DOCK11: variants seen among roughly 807,000 people sequenced by gnomAD.
DOCK11 encodes dedicator of cytokinesis 11.
Under a neutral mutation model 169.1 loss-of-function variants are expected in DOCK11, and 70 were observed. The observed-to-expected ratio is 0.41, with a 90% confidence interval of 0.34 to 0.51. The LOEUF is 0.51. DOCK11 is among the 20% of genes least tolerant of loss of function. The pLI is 0.10. For synonymous variants in DOCK11, 529 were observed against 541.3 expected, an observed-to-expected ratio of 0.98 and a Z score of 0.32; for missense variants, 1,166 against 1,538.8, an observed-to-expected ratio of 0.76 and a Z score of 4.05.
At chrX:118,530,924 A>G (rs753187812) in intron 1 of DOCK11, among the ~76,000 whole-genome samples, 1 of 111,904 alleles carries the variant, frequency 8.9e-6, no homozygotes, top group East Asian at 2.8e-4. Context: ...TATGTTTTCT[A>G]TTTCTGTTTA....
intron 7 of DOCK11, among the ~76,000 whole-genome samples, chrX:118,563,393 A>G (rs2012973271): frequency 9.0e-6 from 1 of 111,092 alleles, no homozygotes; most frequent in African/African-American, 3.3e-5. Context: ...GCAGTGAGAT[A>G]TGATCACGCC....
At chrX:118,613,433 T>TA (rs1188977702) in intron 28 of DOCK11, among the ~76,000 whole-genome samples, 7 of 111,957 alleles carry the variant, frequency 6.3e-5, no homozygotes, top group African/African-American at 2.0e-4. Context: ...ATGAAGGATA[T>TA]AAAGGAAAAG....
intron 30 of DOCK11, 87 bp downstream of exon 30, chrX:118,615,798 C>A: frequency 1.4e-6 from 1 of 700,453 alleles, no homozygotes. Context: ...CTAGTTGAAC[C>A]AGTCAACTTG....
chrX:118,645,885 TAAA>T (rs1255554011), intron 40 of DOCK11, among the ~76,000 whole-genome samples: 3 of 74,758 alleles, frequency 4.0e-5, no homozygotes, highest in Non-Finnish European at 2.5e-5. Context: ...TGTCTCTAGT[TAAA>T]AAAAAAAAAA....
chrX:118,568,561 T>G (rs1434369657), intron 10 of DOCK11, among the ~76,000 whole-genome samples: 1 of 107,432 alleles, frequency 9.3e-6, no homozygotes, highest in African/African-American at 3.4e-5. Context: ...ATATCTCCAG[T>G]ATAAAGAACA....
chrX:118,497,106 TTTG>T (rs2057543652), intron 1 of DOCK11, among the ~76,000 whole-genome samples: 1 of 112,767 alleles, frequency 8.9e-6, no homozygotes, highest in Admixed American at 9.3e-5. Flanking sequence ...GTTTTGTTAC[TTTG>T]TTTTTTGGTT....
Position 118,615,707 on chromosome X carries a change from T to C in DOCK11, c.3288T>C (p.Val1096=), listed in dbSNP as rs151308330. 333 of 1,192,052 alleles carry C rather than the reference T, an allele frequency of 2.8e-4. 1 individual carries two copies. In the African/African-American group the frequency reaches 4.8e-3, roughly 17 times the overall value. ...TTGCAAAACCTAAACTGCAGCGGGT[T>C]CAAGGCATGTATTTGCATTTTCCAT... ...MAFAKPKLQR[V]QDSNLEYSLS... The change falls in exon 30 of 53, where the codon GTT becomes GTC. Residue 1096 remains valine (V), a synonymous_variant. Coordinates refer to ENST00000276202, the MANE Select transcript of DOCK11 (RefSeq NM_144658.4).
intron 6 of DOCK11, among the ~76,000 whole-genome samples, chrX:118,554,800 T>C (rs1161325953): frequency 9.0e-6 from 1 of 110,958 alleles, no homozygotes; most frequent in Non-Finnish European, 1.9e-5. Flanking sequence ...GGAGATGAAG[T>C]TGATTTGGTT....
intron 1 of DOCK11, among the ~76,000 whole-genome samples, chrX:118,521,232 A>G (rs1244891600): frequency 3.6e-5 from 4 of 112,361 alleles, no homozygotes; most frequent in African/African-American, 1.3e-4. Flanking sequence ...TGGCTGTGGA[A>G]TATTGGGAAA....
intron 1 of DOCK11, among the ~76,000 whole-genome samples, chrX:118,519,910 A>C (rs1460305278): frequency 8.9e-6 from 1 of 111,935 alleles, no homozygotes; most frequent in Non-Finnish European, 1.9e-5. Flanking sequence ...TTAAAATCAG[A>C]TTATACCTGG....
intron 9 of DOCK11, 77 bp from the exon 10 acceptor site, chrX:118,568,002 A>G (rs926479471): frequency 1.2e-5 from 6 of 492,700 alleles, no homozygotes; most frequent in Non-Finnish European, 1.9e-5. Context: ...ATAGTTTCAC[A>G]TAAACTATAC....
rs202108465 is a variant in DOCK11 at position 118,654,806 on chromosome X, G to C, written c.4900G>C (p.Asp1634His). The change falls in exon 43 of 53, where the codon GAT (aspartate) becomes CAT (histidine). Residue 1634 changes from aspartate (D) to histidine (H), a missense_variant. Transcript: ENST00000276202. ...GGCCAAGATTCATGTAAAAAATGGAGATTTTTCAGAGGTGACTACTTAAAG... is the reference window on the plus strand; with the variant it reads ...GGCCAAGATTCATGTAAAAAATGGACATTTTTCAGAGGTGACTACTTAAAG... ...SMAKIHVKNG[D>H]FSEAAMCYVH... 1.9e-4 allele frequency: 225 copies of C among 1,209,644 alleles called. No individual in the cohort carries two copies. Among genetic ancestry groups the C allele is most frequent in the Non-Finnish European group, 1.7e-5 (15 of 895,046 alleles).
At chrX:118,529,761 C>T (rs1392670368) in intron 1 of DOCK11, among the ~76,000 whole-genome samples, 2 of 111,158 alleles carry the variant, frequency 1.8e-5, no homozygotes, top group Non-Finnish European at 3.8e-5. Context: ...GAAGTGGTCA[C>T]CTGTACTTGG....
intron 1 of DOCK11, among the ~76,000 whole-genome samples, chrX:118,499,087 A>G (rs1245400745): frequency 2.7e-5 from 3 of 112,234 alleles, no homozygotes; most frequent in African/African-American, 9.7e-5. Flanking sequence ...TTGGGGAGAA[A>G]CATTATAACC....
intron 1 of DOCK11, among the ~76,000 whole-genome samples, chrX:118,539,056 G>A (rs1231972962): frequency 9.0e-6 from 1 of 111,369 alleles, no homozygotes; most frequent in Non-Finnish European, 1.9e-5. Flanking sequence ...TGATTCACAG[G>A]CCTAAATCTT....
rs1053460877 is a variant in DOCK11 at position 118,628,260 on chromosome X, C to T, written c.3762C>T (p.Asn1254=). ...CAACAGGATTTCCAGATCAGGGCAA[C>T]ACTGGTGAAAATGTAAGAACTTAAA... is the stretch of plus-strand genomic sequence containing the variant. ...EGATGFPDQG[N]TGENTRQSST... Residue 1254 remains asparagine, a synonymous_variant, in exon 34 of 53, where the codon AAC becomes AAT. Coordinates refer to ENST00000276202, the MANE Select transcript of DOCK11 (RefSeq NM_144658.4). 2 of 1,190,576 alleles carry T rather than the reference C, an allele frequency of 1.7e-6. No individual in the cohort carries two copies. The highest frequency in any genetic ancestry group is 3.5e-5 in the African/African-American group (2 of 57,220).
chrX:118,574,098 C>G, intron 12 of DOCK11, 80 bp downstream of exon 12: 1 of 998,314 alleles, frequency 1.0e-6, no homozygotes, highest in Non-Finnish European at 1.4e-6. Flanking sequence ...TGGTTTCAGG[C>G]CAATGTTTTC....
In DOCK11 at chrX:118,501,839, T is replaced by G. The variant is rs370604649; in HGVS notation, c.102+5766T>G. Among the ~76,000 whole-genome samples, 22 of 112,017 alleles carry G rather than the reference T, an allele frequency of 2.0e-4. No homozygotes were observed. The South Asian group carries it at 8.1e-3, about 41-fold the overall frequency. Reference sequence around the variant, plus strand: ...GAGGGTGTTCATTTCCCCTCTCCCATGCCAACGCTTGTTAGTAATATTTTA... The same window carrying G: ...GAGGGTGTTCATTTCCCCTCTCCCAGGCCAACGCTTGTTAGTAATATTTTA... On this transcript the variant is annotated intron_variant, in intron 1 of 52. Coordinates refer to ENST00000276202, the MANE Select transcript of DOCK11 (RefSeq NM_144658.4).
At position 118,631,562 on chromosome X, in the gene DOCK11, A is replaced by T. The variant is rs1312070718; in HGVS notation, c.3886+1072A>T. ...TGGTGAAGGTTTCCTTAGTCTTTGA[A>T]TAAACTATAAACTATTGTAATATTG... On this transcript the variant is annotated intron_variant, in intron 35 of 52. Transcript: ENST00000276202. Among the ~76,000 whole-genome samples, 3 of 111,834 alleles carry T rather than the reference A, an allele frequency of 2.7e-5. No homozygotes were observed. The Admixed American group carries it at 2.8e-4, about 11-fold the overall frequency.
Sources: gnomAD v4.1 joint callset for allele counts (sites outside exome capture counted in the v4.1 genomes callset) on GRCh38, gnomAD v4.1.1 for gene constraint, MANE v1.5 for transcripts, NCBI Gene and HGNC (gene_info 2026-07-23, HGNC 2026-07-21) for gene names.